FRS2: variants seen among roughly 807,000 people sequenced by gnomAD.
The protein encoded by FRS2 is FGFR signalling adaptor.
FRS2 carries 8 observed loss-of-function variants against 43.9 expected under a neutral mutation model. That is an observed-to-expected ratio of 0.18 (90% CI 0.11 to 0.33). The LOEUF is 0.33. Among genes scored for constraint, FRS2 ranks in the 10% least tolerant of loss-of-function variants. The pLI is 1.00. For missense variants in FRS2, 534 were observed against 627.6 expected (o/e 0.85, Z 1.59); for synonymous variants, 219 against 220.3 (o/e 0.99, Z 0.05).
chr12:69,487,028 T>C (rs1369861798), intron 1 of FRS2, among the ~76,000 whole-genome samples: 1 of 152,240 alleles, frequency 6.6e-6, no homozygotes, highest in Non-Finnish European at 1.5e-5. Flanking sequence ...AACTTCTTTA[T>C]CATTTTTCTT....
rs1166365306 is a variant in FRS2, at chr12:69,527,343, A to ATTTTTTTTTTTTTTT, written c.-260-3515_-260-3501dup. Among the ~76,000 whole-genome samples the ATTTTTTTTTTTTTTT allele has an allele frequency of 1.7e-4, 14 of 84,232 alleles. 1 individual carries two copies. Among genetic ancestry groups the ATTTTTTTTTTTTTTT allele is most frequent in the Non-Finnish European group, 1.8e-4 (9 of 48,690 alleles). The allele number at this position is 84,232 out of a possible 152,430, so 55.3% of individuals were successfully genotyped here. A position where few individuals can be genotyped will look rare whatever the true frequency, so the allele number is the denominator to read the frequency against. The stretch of plus-strand genomic sequence containing the variant: ...GAGCAAAGTTTTTTTTTTTTTAATG[A>ATTTTTTTTTTTTTTT]TTTTTTTTTTTTTTTTTTTTTAAAG... On this transcript the variant is annotated intron_variant, in intron 1 of 8. Transcript: ENST00000549921.
chr12:69,529,661 G>T (rs536146418), intron 1 of FRS2, among the ~76,000 whole-genome samples: 3 of 150,914 alleles, frequency 2.0e-5, no homozygotes, highest in South Asian at 4.2e-4. Flanking sequence ...AGTACTGGAA[G>T]GTTAAATATT....
Position 69,575,045 on chromosome 12 carries a change from C to A in FRS2, c.*90C>A. The A allele has an allele frequency of 1.3e-6, 1 of 798,700 alleles. No homozygotes were observed. The highest frequency in any genetic ancestry group is 1.8e-5 in the South Asian group (1 of 56,320). 49.5% of individuals were successfully genotyped at this position (798,700 alleles called of 1,614,324 possible). On this transcript the variant is annotated 3_prime_UTR_variant, in exon 9 of 9. Coordinates refer to ENST00000549921, the MANE Select transcript of FRS2 (RefSeq NM_001278356.2). ...CATTTTCATTTCTAAACACTAACTC[C>A]TTTTATAGACTGATAAAATTTTTTT...
intron 8 of FRS2, among the ~76,000 whole-genome samples, 172 bp from the exon 9 acceptor site, chr12:69,573,833 C>G (rs1483044933): frequency 2.0e-5 from 3 of 152,200 alleles, no homozygotes; most frequent in Admixed American, 6.5e-5. Flanking sequence ...CCTTCTCTTT[C>G]CACCTTTTTA....
At chr12:69,524,241 C>T (rs905465893) in intron 1 of FRS2, among the ~76,000 whole-genome samples, 21 of 151,716 alleles carry the variant, frequency 1.4e-4, no homozygotes, top group South Asian at 6.3e-4. Flanking sequence ...GGATAGGGGA[C>T]GGGGGTGCAC....
At chr12:69,496,258 A>G (rs1872878962) in intron 1 of FRS2, among the ~76,000 whole-genome samples, 1 of 152,244 alleles carries the variant, frequency 6.6e-6, no homozygotes, top group African/African-American at 2.4e-5. Flanking sequence ...AACACAGTGA[A>G]ACCCCGAATC....
chr12:69,568,312 G>A (rs544547624), intron 4 of FRS2, among the ~76,000 whole-genome samples: 1 of 152,258 alleles, frequency 6.6e-6, no homozygotes, highest in South Asian at 2.1e-4. Context: ...CTCTTGTCTT[G>A]TGGAGACATA....
intron 1 of FRS2, among the ~76,000 whole-genome samples, chr12:69,496,162 C>T (rs903527603): frequency 3.0e-4 from 46 of 151,984 alleles, no homozygotes; most frequent in African/African-American, 1.0e-3. Context: ...TCTGGCCAGG[C>T]GTGGGGGCTC....
chr12:69,485,082 AACACACACACACACACACAC>A (rs71094716), intron 1 of FRS2, among the ~76,000 whole-genome samples: 13 of 85,342 alleles, frequency 1.5e-4, no homozygotes, highest in Non-Finnish European at 1.9e-4. Context: ...CTCATCTTAA[AACACACACACACACACACAC>A]ACACACACAC....
chr12:69,542,160 A>G (rs1326036775), intron 3 of FRS2, among the ~76,000 whole-genome samples: 1 of 152,198 alleles, frequency 6.6e-6, no homozygotes, highest in Non-Finnish European at 1.5e-5. Context: ...ACTGACAGAC[A>G]TACTTAGTAT....
chr12:69,546,366 T>G (rs537972875), intron 3 of FRS2, among the ~76,000 whole-genome samples: 1 of 152,232 alleles, frequency 6.6e-6, no homozygotes, highest in African/African-American at 2.4e-5. Context: ...CAAGTGATTC[T>G]TACGTCTCAG....
At chr12:69,494,542 A>G (rs1245732292) in intron 1 of FRS2, among the ~76,000 whole-genome samples, 1 of 152,206 alleles carries the variant, frequency 6.6e-6, no homozygotes, top group African/African-American at 2.4e-5. Flanking sequence ...TGTTAGCATT[A>G]TTGACATCTT....
intron 1 of FRS2, among the ~76,000 whole-genome samples, chr12:69,509,347 G>T (rs1874247446): frequency 6.6e-6 from 1 of 152,104 alleles, no homozygotes; most frequent in African/African-American, 2.4e-5. Flanking sequence ...ATGGTTTCCA[G>T]CCCCATCCTG....
chr12:69,505,906 T>C (rs1565732382), intron 1 of FRS2, among the ~76,000 whole-genome samples: 1 of 152,204 alleles, frequency 6.6e-6, no homozygotes, highest in Non-Finnish European at 1.5e-5. Context: ...CTTTTTTCTG[T>C]TATTTTCACC....
At chr12:69,527,338 TAA>T (rs1839442843) in intron 1 of FRS2, among the ~76,000 whole-genome samples, 1 of 109,878 alleles carries the variant, frequency 9.1e-6, no homozygotes, top group African/African-American at 3.7e-5. Flanking sequence ...TTTTTTTTTT[TAA>T]TGATTTTTTT....
At chr12:69,511,904 C>T (rs1034847887) in intron 1 of FRS2, among the ~76,000 whole-genome samples, 1 of 152,130 alleles carries the variant, frequency 6.6e-6, no homozygotes, top group Non-Finnish European at 1.5e-5. Flanking sequence ...TTTCTCTATA[C>T]TCTTTATCTG....
chr12:69,501,599 A>C (rs1306168902), intron 1 of FRS2, among the ~76,000 whole-genome samples: 1 of 152,250 alleles, frequency 6.6e-6, no homozygotes, highest in Non-Finnish European at 1.5e-5. Context: ...CATTCAGTTT[A>C]GCATAACAAA....
At chr12:69,556,355 T>C (rs945475377) in intron 3 of FRS2, among the ~76,000 whole-genome samples, 11 of 152,154 alleles carry the variant, frequency 7.2e-5, no homozygotes, top group South Asian at 2.1e-4. Flanking sequence ...CTTTTTTTTT[T>C]TAAGTCTCAC....
intron 1 of FRS2, among the ~76,000 whole-genome samples, chr12:69,518,996 CAAAA>C (rs35495239): frequency 3.0e-5 from 3 of 98,560 alleles, no homozygotes; most frequent in African/African-American, 4.3e-5. Context: ...AACTCCGTCT[CAAAA>C]AAAAAAAAAA....
Sources: allele counts gnomAD v4.1 joint callset (sites outside exome capture counted in the v4.1 genomes callset), GRCh38; gene constraint gnomAD v4.1.1; transcripts MANE v1.5; gene names NCBI Gene and HGNC (gene_info 2026-07-23, HGNC 2026-07-21).